RSPRY1: variants seen among roughly 807,000 people sequenced by gnomAD.
RSPRY1 encodes ring finger and SPRY domain containing 1.
RSPRY1 carries 23 observed loss-of-function variants against 73.1 expected under a neutral mutation model. The ratio of observed to expected loss-of-function variants is 0.31; its 90% CI spans 0.23 to 0.45. RSPRY1 has a LOEUF of 0.45. Ranked by LOEUF, RSPRY1 falls within the 20% of genes least tolerant of loss-of-function variation. The pLI, the probability that RSPRY1 is intolerant of heterozygous loss-of-function variation, is 1.00. For synonymous variants in RSPRY1, 226 were observed against 251.4 expected, an observed-to-expected ratio of 0.90 and a Z score of 0.95; for missense variants, 448 against 698.7, an observed-to-expected ratio of 0.64 and a Z score of 4.05.
intron 1 of RSPRY1, among the ~76,000 whole-genome samples, chr16:57,191,181 A>G: frequency 6.6e-6 from 1 of 152,180 alleles, no homozygotes; most frequent in South Asian, 2.1e-4. Context: ...TACCTCCTGA[A>G]GAATTGTTTT....
At chr16:57,205,115 G>T in intron 2 of RSPRY1, 107 bp downstream of exon 2, 1 of 751,498 alleles carries the variant, frequency 1.3e-6, no homozygotes, top group South Asian at 1.8e-5. Flanking sequence ...GCCAAGCCTT[G>T]TGCTCACAGG....
intron 14 of RSPRY1, among the ~76,000 whole-genome samples, chr16:57,236,820 A>C (rs752604673): frequency 6.6e-6 from 1 of 152,218 alleles, no homozygotes; most frequent in Non-Finnish European, 1.5e-5. Context: ...AGTAAGACCT[A>C]GCAACGCAAC....
rs150812338 is a variant in RSPRY1, at chr16:57,221,452, G to A, written c.1161+37G>A. ...AGAGAACTGTGAAAATGGGAGCAGTGGCAGTTTGCTTTTTCCCCCTAGTTG... is the reference window on the plus strand; with the variant it reads ...AGAGAACTGTGAAAATGGGAGCAGTAGCAGTTTGCTTTTTCCCCCTAGTTG... On this transcript the variant is annotated intron_variant, in intron 10 of 14. Transcript: ENST00000394420. 1.1e-4 allele frequency: 169 copies of A among 1,558,006 alleles called. 1 individual carries two copies. The African/African-American group carries it at 1.1e-3, about 11-fold the overall frequency.
At chr16:57,223,602 G>A (rs576256684) in intron 10 of RSPRY1, among the ~76,000 whole-genome samples, 4 of 152,100 alleles carry the variant, frequency 2.6e-5, no homozygotes, top group South Asian at 2.1e-4. Context: ...GTGAAACCCC[G>A]TCTCTACTGA....
At chr16:57,200,718 T>A (rs553843171) in intron 1 of RSPRY1, among the ~76,000 whole-genome samples, 7 of 43,292 alleles carry the variant, frequency 1.6e-4, no homozygotes, top group South Asian at 7.7e-4. Flanking sequence ...GGGGCTCCTC[T>A]CTTCCCAGTA....
Position 57,227,366 on chromosome 16 carries a change from G to A in RSPRY1, c.1186G>A (p.Glu396Lys). ...GGAAGGCTACGGCATTGGGGATGAT[G>A]AATACTCCTGTGCGTATGATGGCTG... is the stretch of plus-strand genomic sequence containing the variant. ...NHEGYGIGDD[E>K]YSCAYDGCRQ... Residue 396 changes from glutamate to lysine, a missense_variant, in exon 11 of 15, where the codon GAA (glutamate) becomes AAA (lysine). Physicochemically the swap from Glu to Lys is moderately conservative, Grantham distance 56. Coordinates refer to ENST00000394420, the MANE Select transcript of RSPRY1 (RefSeq NM_133368.3). 6.2e-7 allele frequency: 1 copy of A among 1,614,022 alleles called. No individual in the cohort carries two copies. The highest frequency in any genetic ancestry group is 8.5e-7 in the Non-Finnish European group (1 of 1,179,910).
intron 6 of RSPRY1, among the ~76,000 whole-genome samples, chr16:57,215,134 G>A (rs2074916288): frequency 6.6e-6 from 1 of 152,136 alleles, no homozygotes; most frequent in African/African-American, 2.4e-5. Context: ...GCTGGGTCAT[G>A]CTATAGATGA....
intron 4 of RSPRY1, among the ~76,000 whole-genome samples, chr16:57,210,027 T>TTCCCTCCCCCCC (rs2074806060): frequency 9.7e-6 from 1 of 103,354 alleles, no homozygotes; most frequent in Admixed American, 1.1e-4. Flanking sequence ...CTTTCTTTCT[T>TTCCCTCCCCCCC]TCCCTCCCTC....
At chr16:57,231,124 T>G (rs1297072513) in intron 12 of RSPRY1, 43 bp from the exon 13 acceptor site, 5 of 1,575,828 alleles carry the variant, frequency 3.2e-6, no homozygotes, top group Non-Finnish European at 4.3e-6. Flanking sequence ...TCTATTTTGA[T>G]TTTTATTAAT....
At chr16:57,223,529 C>CTTTGGG (rs1288873013) in intron 10 of RSPRY1, among the ~76,000 whole-genome samples, 14 of 152,156 alleles carry the variant, frequency 9.2e-5, no homozygotes, top group Non-Finnish European at 1.9e-4. Context: ...CCTGTAATCC[C>CTTTGGG]AGCACTTTGG....
chr16:57,193,941 C>T (rs2074394057), intron 1 of RSPRY1, among the ~76,000 whole-genome samples: 1 of 152,030 alleles, frequency 6.6e-6, no homozygotes, highest in Admixed American at 6.6e-5. Flanking sequence ...TGGCATGTGC[C>T]AATAATCCCA....
At chr16:57,214,603 C>G (rs2074905326) in intron 6 of RSPRY1, among the ~76,000 whole-genome samples, 1 of 152,258 alleles carries the variant, frequency 6.6e-6, no homozygotes. Flanking sequence ...AATGAGCACT[C>G]TGGGGATACA....
At position 57,200,320 on chromosome 16, in the gene RSPRY1, T is replaced by C. The variant is rs1336807212; in HGVS notation, c.-155-4184T>C. Among the ~76,000 whole-genome samples the C allele has an allele frequency of 1.3e-4, 20 of 151,364 alleles. No homozygotes were observed. In the East Asian group the frequency reaches 1.8e-3, roughly 13 times the overall value. On this transcript the variant is annotated intron_variant, in intron 1 of 14. Coordinates refer to ENST00000394420, the MANE Select transcript of RSPRY1 (RefSeq NM_133368.3). ...ATGTCTACCTCTTTCTACACAGACATGGCAACCATCCGATTTCTCAATCTT... is the reference window on the plus strand; with the variant it reads ...ATGTCTACCTCTTTCTACACAGACACGGCAACCATCCGATTTCTCAATCTT...
At chr16:57,216,054 C>A in intron 6 of RSPRY1, 53 bp from the exon 7 acceptor site, 1 of 1,390,952 alleles carries the variant, frequency 7.2e-7, no homozygotes, top group South Asian at 1.2e-5. Flanking sequence ...AACTTGCCAC[C>A]TCTGCAGGGG....
chr16:57,186,261 T>A (rs1477986892), upstream of RSPRY1: 25 of 801,686 alleles, frequency 3.1e-5, no homozygotes, highest in Non-Finnish European at 3.8e-5. Context: ...GGAGAGGGCT[T>A]GCCACCGAGG....
At chr16:57,195,848 CCGT>C (rs1449837074) in intron 1 of RSPRY1, among the ~76,000 whole-genome samples, 6 of 151,530 alleles carry the variant, frequency 4.0e-5, no homozygotes, top group Non-Finnish European at 7.4e-5. Flanking sequence ...TATTGAAACC[CCGT>C]CTTTACTAAA....
intron 10 of RSPRY1, among the ~76,000 whole-genome samples, chr16:57,223,920 T>G (rs2075080588): frequency 6.6e-6 from 1 of 152,246 alleles, no homozygotes; most frequent in Non-Finnish European, 1.5e-5. Flanking sequence ...GAAAATCAAG[T>G]TGAGAGAAAT....
chr16:57,209,750 T>G (rs1597887199), intron 4 of RSPRY1, among the ~76,000 whole-genome samples: 2 of 152,126 alleles, frequency 1.3e-5, no homozygotes, highest in African/African-American at 4.8e-5. Flanking sequence ...CACAGCTCAC[T>G]GCAGCTGCAA....
At chr16:57,202,878 T>TTATATATATATATATA (rs55701001) in intron 1 of RSPRY1, among the ~76,000 whole-genome samples, 1,841 of 131,084 alleles carry the variant, frequency 0.014, 22 homozygotes, top group East Asian at 0.04. Flanking sequence ...TTACATATGA[T>TTATATATATATATATA]TATATATATA....
Sources: allele counts gnomAD v4.1 joint callset (sites outside exome capture counted in the v4.1 genomes callset), GRCh38; gene constraint gnomAD v4.1.1; transcripts MANE v1.5; gene names NCBI Gene and HGNC (gene_info 2026-07-23, HGNC 2026-07-21).